The following ZNF827 variants were observed in gnomAD, a reference collection of about 807,000 sequenced individuals.
ZNF827 encodes zinc finger protein 827.
ZNF827 carries 13 observed loss-of-function variants against 102.4 expected under a neutral mutation model. The ratio of observed to expected loss-of-function variants is 0.13; its 90% CI spans 0.08 to 0.20. The LOEUF (loss-of-function observed/expected upper bound fraction) is 0.20, where lower values mean the gene tolerates loss of function less well. Ranked by LOEUF, ZNF827 falls within the 10% of genes least tolerant of loss-of-function variation. ZNF827 has a pLI of 1.00. For synonymous variants in ZNF827, 523 were observed against 536.2 expected, an observed-to-expected ratio of 0.98 and a Z score of 0.34; for missense variants, 1,103 against 1,344.4, an observed-to-expected ratio of 0.82 and a Z score of 2.81.
intron 7 of ZNF827, among the ~76,000 whole-genome samples, chr4:145,824,550 A>G (rs1743472555): frequency 6.6e-6 from 1 of 152,210 alleles, no homozygotes; most frequent in African/African-American, 2.4e-5. Context: ...AATGGAGCCC[A>G]GGTCATGGGA....
chr4:145,833,560 A>G (rs1317705346), intron 7 of ZNF827, among the ~76,000 whole-genome samples: 1 of 150,592 alleles, frequency 6.6e-6, no homozygotes, highest in Non-Finnish European at 1.5e-5. Context: ...GGCAAGTACC[A>G]CTCAACCCCT....
chr4:145,822,598 T>A (rs1743252868), intron 8 of ZNF827, among the ~76,000 whole-genome samples: 1 of 152,004 alleles, frequency 6.6e-6, no homozygotes, highest in Non-Finnish European at 1.5e-5. Flanking sequence ...GGATGGAGGC[T>A]ACCGAGTGCT....
At chr4:145,854,460 G>C (rs551977646) in intron 5 of ZNF827, among the ~76,000 whole-genome samples, 1 of 152,132 alleles carries the variant, frequency 6.6e-6, no homozygotes, top group South Asian at 2.1e-4. Context: ...GTCCCACCTG[G>C]TGTGGTGGCA....
chr4:145,847,459 T>TAAAAAA (rs1163005810), intron 6 of ZNF827, among the ~76,000 whole-genome samples: 1 of 152,184 alleles, frequency 6.6e-6, no homozygotes, highest in Non-Finnish European at 1.5e-5. Flanking sequence ...AGAGGGGATA[T>TAAAAAA]AAAAACAGCC....
intron 1 of ZNF827, among the ~76,000 whole-genome samples, chr4:145,913,425 C>CAAAAA (rs775706430): frequency 1.2e-4 from 9 of 73,310 alleles, no homozygotes; most frequent in African/African-American, 2.6e-4. Flanking sequence ...GACCCTGTCT[C>CAAAAA]AAAAAAAAAA....
intron 7 of ZNF827, among the ~76,000 whole-genome samples, chr4:145,834,313 CTTCT>C (rs1259402529): frequency 6.6e-6 from 1 of 152,066 alleles, no homozygotes; most frequent in Non-Finnish European, 1.5e-5. Context: ...CCAAATCTTC[CTTCT>C]TTCCCTCCCG....
chr4:145,863,537 T>C lies in ZNF827; in HGVS notation c.1981+6708A>G, dbSNP rs568548976. Among the ~76,000 whole-genome samples, 13 of 152,282 alleles carry C rather than the reference T, an allele frequency of 8.5e-5. No homozygotes were observed. The South Asian group carries it at 1.2e-3, about 15-fold the overall frequency. On this transcript the variant is annotated intron_variant, in intron 5 of 14. Transcript: ENST00000508784. ...TCCATACAATGGAATATCATAAAAATTGAAAATGAATAAAGCCATAAAAAT... is the reference window on the plus strand; with the variant it reads ...TCCATACAATGGAATATCATAAAAACTGAAAATGAATAAAGCCATAAAAAT...
intron 5 of ZNF827, among the ~76,000 whole-genome samples, chr4:145,856,760 C>G (rs923887830): frequency 7.1e-6 from 1 of 141,678 alleles, no homozygotes; most frequent in Non-Finnish European, 1.5e-5. Flanking sequence ...GAAAACTGAG[C>G]AAACCACGAG....
At position 145,759,462 on chromosome 4, in the gene ZNF827, C is replaced by G. The variant is rs112873711; in HGVS notation, c.*2154G>C. ...CTCCTAGCAGGTTACATCTACCAGG[C>G]GTTAACAAAATGGAATACAGAATTA... is the stretch of plus-strand genomic sequence containing the variant. On this transcript the variant is annotated 3_prime_UTR_variant, in exon 15 of 15. Transcript: ENST00000508784. 6.6e-6 allele frequency: 1 copy of G among 152,212 alleles called. No individual in the cohort carries two copies. Among genetic ancestry groups the G allele is most frequent in the African/African-American group, 2.4e-5 (1 of 41,524 alleles). The allele number at this position is 152,212 out of a possible 1,614,324, so 9.4% of individuals were successfully genotyped here.
chr4:145,787,327 G>T (rs1366712356), intron 8 of ZNF827, among the ~76,000 whole-genome samples: 1 of 152,064 alleles, frequency 6.6e-6, no homozygotes, highest in Non-Finnish European at 1.5e-5. Context: ...GCTGAGCGTG[G>T]TGGCGCGCGC....
chr4:145,868,081 C>A (rs1211137799), intron 5 of ZNF827, among the ~76,000 whole-genome samples: 1 of 152,154 alleles, frequency 6.6e-6, no homozygotes. Context: ...CACTTTAAAC[C>A]TAATTAAGGG....
At chr4:145,888,680 T>C (rs1480859483) in intron 3 of ZNF827, among the ~76,000 whole-genome samples, 1 of 152,246 alleles carries the variant, frequency 6.6e-6, no homozygotes, top group Non-Finnish European at 1.5e-5. Flanking sequence ...ACCCTGACTC[T>C]CGGTCAGTTT....
At chr4:145,906,342 T>C (rs570722931) in intron 1 of ZNF827, among the ~76,000 whole-genome samples, 2 of 152,260 alleles carry the variant, frequency 1.3e-5, no homozygotes, top group African/African-American at 2.4e-5. Context: ...CAGTATTCAC[T>C]CTTTATCTTG....
chr4:145,892,809 T>G (rs927306016), intron 2 of ZNF827, among the ~76,000 whole-genome samples: 1 of 152,242 alleles, frequency 6.6e-6, no homozygotes, highest in African/African-American at 2.4e-5. Context: ...ACTGTCAGAC[T>G]CAAGTCCATG....
intron 1 of ZNF827, among the ~76,000 whole-genome samples, chr4:145,934,047 G>A (rs1561094022): frequency 6.6e-6 from 1 of 152,084 alleles, no homozygotes; most frequent in Non-Finnish European, 1.5e-5. Flanking sequence ...TTTAAATATA[G>A]TATTGGACCT....
intron 3 of ZNF827, among the ~76,000 whole-genome samples, chr4:145,889,591 T>C (rs1467935119): frequency 2.0e-5 from 3 of 149,556 alleles, no homozygotes; most frequent in Non-Finnish European, 4.4e-5. Context: ...TCTAGCTCTG[T>C]CGCCCAGGCT....
At chr4:145,831,248 T>C (rs1377412724) in intron 7 of ZNF827, 1 of 152,222 alleles carries the variant, frequency 6.6e-6, no homozygotes, top group African/African-American at 2.4e-5. Flanking sequence ...GAGAAAATTC[T>C]GTATTTGACC....
intron 1 of ZNF827, among the ~76,000 whole-genome samples, chr4:145,922,833 GA>G (rs1459068898): frequency 6.6e-6 from 1 of 152,054 alleles, no homozygotes; most frequent in Non-Finnish European, 1.5e-5. Context: ...ATACTTCAAG[GA>G]AAAACTGACA....
chr4:145,885,878 C>T lies in ZNF827; in HGVS notation c.1547G>A (p.Gly516Asp), dbSNP rs767508190. ...TPERTSQGGA[G>D]VSPLLVKEEP... is the part of the protein sequence containing the mutation. ...CTCCTTCACCAGCAAAGGCGAGACGCCAGCCCCTCCCTGGCTAGTCCTCTC... is the reference window on the plus strand; with the variant it reads ...CTCCTTCACCAGCAAAGGCGAGACGTCAGCCCCTCCCTGGCTAGTCCTCTC... The change falls in exon 4 of 15, where the codon GGC becomes GAC. Residue 516 changes from glycine (G) to aspartate (D), a missense_variant. Gly to Asp is a moderately conservative substitution (Grantham distance 94). This residue lies in a region of ZNF827 where 157 missense variants were observed against 211.7 expected (regional missense o/e 0.74). Transcript: ENST00000508784. The T allele has an allele frequency of 6.2e-7, 1 of 1,614,248 alleles. No homozygotes were observed. The highest frequency in any genetic ancestry group is 1.6e-4 in the Middle Eastern group (1 of 6,062).
Sources: gnomAD v4.1 joint callset for allele counts (sites outside exome capture counted in the v4.1 genomes callset) on GRCh38, gnomAD v4.1.1 for gene constraint, gnomAD v4.1.1 regional missense constraint, MANE v1.5 for transcripts, NCBI Gene and HGNC (gene_info 2026-07-23, HGNC 2026-07-21) for gene names.